Variants in UPP2 observed in about 807,000 individuals in gnomAD.
UPP2 encodes the protein uridine phosphorylase 2.
A neutral mutation model predicts 26.7 loss-of-function variants in UPP2; 23 were observed. That is an observed-to-expected ratio of 0.86 (90% CI 0.62 to 1.22). The LOEUF (loss-of-function observed/expected upper bound fraction) is 1.22, where lower values mean the gene tolerates loss of function less well. UPP2 is among the 50% of genes most tolerant of loss of function. UPP2 has a pLI of 0.00. For missense variants in UPP2, 387 were observed against 396.7 expected (o/e 0.98, Z 0.21); for synonymous variants, 127 against 141.3 (o/e 0.90, Z 0.72).
In UPP2 at chr2:158,135,161, T is replaced by A; in HGVS notation, c.*271T>A. The A allele has an allele frequency of 3.5e-6, 1 of 282,222 alleles. No individual in the cohort carries two copies. Among genetic ancestry groups the A allele is most frequent in the Non-Finnish European group, 6.5e-6 (1 of 152,836 alleles). The allele number at this position is 282,222 out of a possible 1,614,324, so 17.5% of individuals were successfully genotyped here. On this transcript the variant is annotated 3_prime_UTR_variant, in exon 7 of 7. Coordinates refer to ENST00000005756, the MANE Select transcript of UPP2 (RefSeq NM_173355.4). ...CTGGATTATGACATTTGGAGTTTCA[T>A]ATGCAGCATTAATTAAGCTCACATC... is the stretch of plus-strand genomic sequence containing the variant.
At chr2:158,088,612 T>C (rs935758311) in intron 3 of UPP2, among the ~76,000 whole-genome samples, 2 of 152,208 alleles carry the variant, frequency 1.3e-5, no homozygotes, top group African/African-American at 4.8e-5. Flanking sequence ...GGGTAGACTA[T>C]GTCAGAGGGA....
At chr2:158,043,250 G>C (rs1168017829) in intron 3 of UPP2, among the ~76,000 whole-genome samples, 1 of 152,168 alleles carries the variant, frequency 6.6e-6, no homozygotes, top group African/African-American at 2.4e-5. Context: ...CCAGCCTCAG[G>C]GGAGCTGGCC....
intron 2 of UPP2, among the ~76,000 whole-genome samples, chr2:158,014,179 C>T (rs1016472311): frequency 6.6e-6 from 1 of 152,216 alleles, no homozygotes; most frequent in Non-Finnish European, 1.5e-5. Flanking sequence ...TCCAAACTGG[C>T]AAATGGTCTC....
chr2:158,080,239 CTTATT>C (rs1194389261), intron 3 of UPP2, among the ~76,000 whole-genome samples: 1 of 151,748 alleles, frequency 6.6e-6, no homozygotes, highest in Non-Finnish European at 1.5e-5. Flanking sequence ...TATATATTTT[CTTATT>C]TTATCTTCCC....
chr2:158,133,527 T>C (rs1251203121), intron 6 of UPP2, among the ~76,000 whole-genome samples: 1 of 152,164 alleles, frequency 6.6e-6, no homozygotes, highest in Non-Finnish European at 1.5e-5. Context: ...GTTTTCACCA[T>C]AAAAATGCAA....
chr2:158,027,863 A>G (rs922033283), intron 3 of UPP2, among the ~76,000 whole-genome samples: 1 of 152,158 alleles, frequency 6.6e-6, no homozygotes, highest in Non-Finnish European at 1.5e-5. Context: ...GAAGCTCCCA[A>G]GGTTTGGGGC....
At chr2:158,062,531 T>A (rs1235595504) in intron 3 of UPP2, among the ~76,000 whole-genome samples, 1 of 152,158 alleles carries the variant, frequency 6.6e-6, no homozygotes, top group Non-Finnish European at 1.5e-5. Context: ...AACCCTGCTT[T>A]CCAGATTCTT....
intron 3 of UPP2, among the ~76,000 whole-genome samples, chr2:158,048,339 C>T (rs1395834630): frequency 1.3e-5 from 2 of 152,190 alleles, no homozygotes; most frequent in South Asian, 2.1e-4. Flanking sequence ...GACATGGTGG[C>T]TCACGCCTGT....
intron 2 of UPP2, among the ~76,000 whole-genome samples, chr2:158,001,078 G>C (rs1226866057): frequency 6.6e-6 from 1 of 152,166 alleles, no homozygotes; most frequent in Non-Finnish European, 1.5e-5. Context: ...AGAGTTGCTT[G>C]AATTCCTACC....
chr2:158,037,974 T>C (rs1460055822), intron 3 of UPP2, among the ~76,000 whole-genome samples: 2 of 152,148 alleles, frequency 1.3e-5, no homozygotes, highest in Admixed American at 6.5e-5. Context: ...GGCAGGTTCA[T>C]GGGCCCTTAG....
chr2:158,092,235 T>C (rs1368243710), intron 3 of UPP2, among the ~76,000 whole-genome samples: 2 of 152,182 alleles, frequency 1.3e-5, no homozygotes, highest in Non-Finnish European at 2.9e-5. Flanking sequence ...GACAGGTTTT[T>C]TCATAATTTG....
At chr2:158,108,737 A>C (rs1683248774) in intron 2 of UPP2, among the ~76,000 whole-genome samples, 1 of 152,112 alleles carries the variant, frequency 6.6e-6, no homozygotes, top group Non-Finnish European at 1.5e-5. Context: ...CATAACCACT[A>C]TCCAACCTTA....
intron 1 of UPP2, among the ~76,000 whole-genome samples, chr2:158,104,727 T>C (rs192338406): frequency 1.3e-5 from 2 of 151,956 alleles, no homozygotes; most frequent in Admixed American, 1.3e-4. Flanking sequence ...TTTGAGACCA[T>C]CCTGGCCAAC....
chr2:158,108,623 G>A (rs773847539), intron 2 of UPP2, among the ~76,000 whole-genome samples: 2 of 150,976 alleles, frequency 1.3e-5, no homozygotes, highest in African/African-American at 2.4e-5. Flanking sequence ...ACACACATAC[G>A]CACACACACA....
intron 3 of UPP2, among the ~76,000 whole-genome samples, chr2:158,093,945 AAT>A (rs1367285031): frequency 6.6e-6 from 1 of 150,560 alleles, no homozygotes; most frequent in Non-Finnish European, 1.5e-5. Context: ...CAGTTTTAAA[AAT>A]ATATATATAG....
chr2:158,015,579 A>T (rs1683644862), intron 2 of UPP2, among the ~76,000 whole-genome samples: 1 of 152,182 alleles, frequency 6.6e-6, no homozygotes, highest in Non-Finnish European at 1.5e-5. Context: ...GACTCTAGTT[A>T]TATACGGATG....
At chr2:158,006,220 G>A (rs1301237397) in intron 2 of UPP2, among the ~76,000 whole-genome samples, 1 of 152,228 alleles carries the variant, frequency 6.6e-6, no homozygotes, top group African/African-American at 2.4e-5. Context: ...AGCACTTTGG[G>A]AGGACGAGGC....
intron 3 of UPP2, among the ~76,000 whole-genome samples, chr2:158,042,309 G>C (rs1684092467): frequency 6.6e-6 from 1 of 152,134 alleles, no homozygotes; most frequent in African/African-American, 2.4e-5. Flanking sequence ...GGCCAGGGAA[G>C]AACAACCCCC....
At chr2:158,079,346 A>G (rs969071821) in intron 3 of UPP2, among the ~76,000 whole-genome samples, 10 of 152,156 alleles carry the variant, frequency 6.6e-5, no homozygotes, top group Non-Finnish European at 2.9e-5. Context: ...GGATATCCAA[A>G]TTATAAGAAT....
Sources: gnomAD v4.1 joint callset for allele counts (sites outside exome capture counted in the v4.1 genomes callset) on GRCh38, gnomAD v4.1.1 for gene constraint, MANE v1.5 for transcripts, NCBI Gene and HGNC (gene_info 2026-07-23, HGNC 2026-07-21) for gene names.